ARSH: variants seen among roughly 807,000 people sequenced by gnomAD.
The protein encoded by ARSH is arylsulfatase family member H, also known as arylsulfatase H.
Under a neutral mutation model 28.7 loss-of-function variants are expected in ARSH, and 32 were observed. The observed-to-expected ratio is 1.11, with a 90% confidence interval of 0.84 to 1.50. The LOEUF is 1.50. Ranked by LOEUF, ARSH falls within the 40% of genes most tolerant of loss-of-function variation. ARSH has a pLI of 0.00. For synonymous variants in ARSH, 176 were observed against 177.3 expected (o/e 0.99, Z 0.06); for missense variants, 440 against 452.4 (o/e 0.97, Z 0.25).
chrX:3,020,951 C>CAT (rs1048710127), intron 5 of ARSH, among the ~76,000 whole-genome samples: 1 of 110,707 alleles, frequency 9.0e-6, no homozygotes. Flanking sequence ...ATGTTATATA[C>CAT]ATATATATAT....
intron 8 of ARSH, among the ~76,000 whole-genome samples, chrX:3,032,549 A>T (rs1222522398): frequency 3.8e-5 from 4 of 105,665 alleles, no homozygotes; most frequent in African/African-American, 1.4e-4. Flanking sequence ...GGAAAAAAGG[A>T]AGGAAAGAAG....
intron 7 of ARSH, 138 bp from the exon 8 acceptor site, chrX:3,029,109 C>A: frequency 1.5e-6 from 1 of 651,452 alleles, no homozygotes; most frequent in Non-Finnish European, 2.2e-6. Flanking sequence ...AGAAATTCTT[C>A]CTCTTTATCT....
At chrX:3,016,568 C>T (rs973140454) in intron 4 of ARSH, among the ~76,000 whole-genome samples, 2 of 110,213 alleles carry the variant, frequency 1.8e-5, no homozygotes, top group Non-Finnish European at 3.8e-5. Flanking sequence ...CTCACTCCTA[C>T]GTTACAAATT....
rs375499458 is a variant in ARSH at position 3,013,183 on chromosome X, G to A, written c.340+11G>A. Reference sequence around the variant, plus strand: ...GCACGGGACTCATAGGTATGGCGCCGGAACTCTGCCCGTGGAAACGTGATC... The same window carrying A: ...GCACGGGACTCATAGGTATGGCGCCAGAACTCTGCCCGTGGAAACGTGATC... On this transcript the variant is annotated intron_variant, in intron 3 of 8. Coordinates refer to ENST00000381130, the MANE Select transcript of ARSH (RefSeq NM_001011719.2). 24 of 1,196,875 alleles carry A rather than the reference G, an allele frequency of 2.0e-5. No individual in the cohort carries two copies. Among genetic ancestry groups the A allele is most frequent in the African/African-American group, 7.1e-5 (4 of 56,613 alleles).
rs760543164 is a variant in ARSH, at chrX:3,015,413, C to G, written c.764+20C>G. 3 of 1,187,604 alleles carry G rather than the reference C, an allele frequency of 2.5e-6. No individual in the cohort carries two copies. The South Asian group carries it at 5.7e-5, about 22-fold the overall frequency. On this transcript the variant is annotated intron_variant, in intron 4 of 8. Coordinates refer to ENST00000381130, the MANE Select transcript of ARSH (RefSeq NM_001011719.2). Reference sequence around the variant, plus strand: ...TGAAAGGTATTTAGCCATTTCTTGCCTGATTTCCTGCATGGAAATTTTATT... The same window carrying G: ...TGAAAGGTATTTAGCCATTTCTTGCGTGATTTCCTGCATGGAAATTTTATT...
intron 6 of ARSH, among the ~76,000 whole-genome samples, chrX:3,026,150 A>G (rs1175024102): frequency 3.6e-5 from 4 of 111,023 alleles, no homozygotes; most frequent in Non-Finnish European, 5.7e-5. Flanking sequence ...GATTTGGTTC[A>G]GTGAGCTTGT....
At chrX:3,012,999 G>T in intron 2 of ARSH, 48 bp from the exon 3 acceptor site, 1 of 1,176,529 alleles carries the variant, frequency 8.5e-7, no homozygotes, top group East Asian at 3.1e-5. Context: ...GATAAATTCG[G>T]TATTAGCAAA....
chrX:3,024,053 C>T lies in ARSH; in HGVS notation c.934C>T (p.Leu312=). The T allele has an allele frequency of 1.7e-6, 2 of 1,209,850 alleles. No individual in the cohort carries two copies. The highest frequency in any genetic ancestry group is 3.0e-5 in the East Asian group (1 of 33,649). The stretch of plus-strand genomic sequence containing the variant: ...CCTGGATGCCCTGGACCAGGAGCGC[C>T]TGGCCAACCACACCTTGGTGTACTT... ...KILDALDQER[L]ANHTLVYFTS... is the part of the protein sequence containing the mutation. The change falls in exon 6 of 9, where the codon CTG becomes TTG. Residue 312 remains leucine (L), a synonymous_variant. Coordinates refer to ENST00000381130, the MANE Select transcript of ARSH (RefSeq NM_001011719.2).
chrX:3,018,547 C>A lies in ARSH; in HGVS notation c.778C>A (p.Pro260Thr), dbSNP rs2147456363. Reference sequence around the variant, plus strand: ...TCTACCCCTTAGGTACAAAAGGGAACCTTTTCTCCTCTTTTTTTCCTTCCT... The same window carrying A: ...TCTACCCCTTAGGTACAAAAGGGAAACTTTTCTCCTCTTTTTTTCCTTCCT... ...LAFIERYKRE[P>T]FLLFFSFLHV... Residue 260 changes from proline (P) to threonine (T), a missense_variant, in exon 5 of 9, where the codon CCT (proline) becomes ACT (threonine). Coordinates refer to ENST00000381130, the MANE Select transcript of ARSH (RefSeq NM_001011719.2). 2 of 1,210,296 alleles carry A rather than the reference C, an allele frequency of 1.7e-6. No individual in the cohort carries two copies. The highest frequency in any genetic ancestry group is 2.3e-4 in the Middle Eastern group (1 of 4,349).
At position 3,026,109 on chromosome X, in the gene ARSH, T is replaced by G. The variant is rs183545194; in HGVS notation, c.1037-1204T>G. Among the ~76,000 whole-genome samples the G allele has an allele frequency of 1.3e-4, 14 of 111,138 alleles. No individual in the cohort carries two copies. The East Asian group carries it at 3.4e-3, about 27-fold the overall frequency. ...AAATACGATGAAGAAAACATCAGGA[T>G]GGCTTTATGATTGTATGTTAAAAGC... is the stretch of plus-strand genomic sequence containing the variant. On this transcript the variant is annotated intron_variant, in intron 6 of 8. Coordinates refer to ENST00000381130, the MANE Select transcript of ARSH (RefSeq NM_001011719.2).
At chrX:3,014,676 G>A (rs1032955276) in intron 3 of ARSH, among the ~76,000 whole-genome samples, 11 of 111,160 alleles carry the variant, frequency 9.9e-5, no homozygotes, top group African/African-American at 3.6e-4. Context: ...TTGTTCATGA[G>A]GTTGTTTGGT....
chrX:3,027,102 C>T (rs769965389), intron 6 of ARSH, among the ~76,000 whole-genome samples: 15 of 111,000 alleles, frequency 1.4e-4, no homozygotes, highest in Non-Finnish European at 2.6e-4. Context: ...GGATTACAGG[C>T]GCCCACCACC....
Position 3,015,356 on chromosome X carries a change from T to G in ARSH, c.727T>G (p.Ser243Ala), listed in dbSNP as rs770480975. 8.3e-7 allele frequency: 1 copy of G among 1,209,928 alleles called. No homozygotes were observed. The highest frequency in any genetic ancestry group is 1.7e-5 in the African/African-American group (1 of 57,224). The change falls in exon 4 of 9, where the codon TCC becomes GCC. Residue 243 changes from serine to alanine, a missense_variant. Physicochemically the swap from Ser to Ala is moderately conservative, Grantham distance 99. Coordinates refer to ENST00000381130, the MANE Select transcript of ARSH (RefSeq NM_001011719.2). ...GCCAATGAAAGAGGAGAAAGTAGCT[T>G]CCCTCATGCTGAAGGAGGCACTTGC... is the stretch of plus-strand genomic sequence containing the variant. Reference protein sequence around the residue: ...QQPMKEEKVASLMLKEALAFI... With the variant: ...QQPMKEEKVAALMLKEALAFI...
chrX:3,015,582 A>T (rs1357068972), intron 4 of ARSH, among the ~76,000 whole-genome samples, 189 bp downstream of exon 4: 2 of 111,493 alleles, frequency 1.8e-5, no homozygotes, highest in Non-Finnish European at 3.8e-5. Flanking sequence ...GCTGCGAAAG[A>T]CATGATCTCA....
chrX:3,020,187 G>A (rs1413709899), intron 5 of ARSH, among the ~76,000 whole-genome samples: 1 of 102,998 alleles, frequency 9.7e-6, no homozygotes, highest in Non-Finnish European at 2.0e-5. Flanking sequence ...AGCTACCTAG[G>A]AGGCTGAGGT....
In ARSH at chrX:3,010,339, C is replaced by T. The variant is rs377518087; in HGVS notation, c.214+188C>T. 6.1e-4 allele frequency among the ~76,000 whole-genome samples: 68 copies of T among 111,902 alleles called. 3 individuals are homozygous for T. In the South Asian group the frequency reaches 0.021, roughly 35 times the overall value. ...CTCACCAGGTACCACTGCACCTGCT[C>T]ATCTCTGTGCATATAGCGACAGGGT... On this transcript the variant is annotated intron_variant, in intron 2 of 8. Transcript: ENST00000381130.
chrX:3,021,893 G>GTGTA (rs1391796147), intron 5 of ARSH, among the ~76,000 whole-genome samples: 4 of 106,750 alleles, frequency 3.7e-5, no homozygotes, highest in Non-Finnish European at 7.7e-5. Flanking sequence ...GTGTGTGTGT[G>GTGTA]TGTGTGTGTG....
intron 6 of ARSH, 126 bp from the exon 7 acceptor site, chrX:3,027,187 T>C: frequency 3.0e-6 from 2 of 663,334 alleles, no homozygotes; most frequent in East Asian, 3.4e-5. Flanking sequence ...CTTGAACTCC[T>C]GACCTCAAGT....
rs371500773 is a variant in ARSH, at chrX:3,013,278, G to C, written c.340+106G>C. Reference sequence around the variant, plus strand: ...TGGCTTTGTGCGCGCCAGTTTGACCGACTTCTCTTTGAGATAAGACACTTG... The same window carrying C: ...TGGCTTTGTGCGCGCCAGTTTGACCCACTTCTCTTTGAGATAAGACACTTG... On this transcript the variant is annotated intron_variant, in intron 3 of 8. Coordinates refer to ENST00000381130, the MANE Select transcript of ARSH (RefSeq NM_001011719.2). 216 of 930,315 alleles carry C rather than the reference G, an allele frequency of 2.3e-4. No homozygotes were observed. The East Asian group carries it at 6.9e-3, about 30-fold the overall frequency. The allele number at this position is 930,315 out of a possible 1,213,427, so 76.7% of individuals were successfully genotyped here.
Sources: allele counts gnomAD v4.1 joint callset (sites outside exome capture counted in the v4.1 genomes callset), GRCh38; gene constraint gnomAD v4.1.1; transcripts MANE v1.5; gene names NCBI Gene and HGNC (gene_info 2026-07-23, HGNC 2026-07-21).